The following RIMS4 variants were observed in gnomAD, a reference collection of about 807,000 sequenced individuals.
RIMS4 encodes regulating synaptic membrane exocytosis protein 4.
RIMS4 carries 9 observed loss-of-function variants against 29.0 expected under a neutral mutation model. That is an observed-to-expected ratio of 0.31 (90% CI 0.19 to 0.54). The LOEUF is 0.54. Among genes scored for constraint, RIMS4 ranks in the 20% least tolerant of loss-of-function variants. The pLI, the probability that RIMS4 is intolerant of heterozygous loss-of-function variation, is 0.94. For synonymous variants in RIMS4, 130 were observed against 152.9 expected, an observed-to-expected ratio of 0.85 and a Z score of 1.10; for missense variants, 193 against 365.7, an observed-to-expected ratio of 0.53 and a Z score of 3.85.
chr20:44,785,908 T>C (rs1331372029), intron 1 of RIMS4, among the ~76,000 whole-genome samples: 1 of 152,056 alleles, frequency 6.6e-6, no homozygotes, highest in Non-Finnish European at 1.5e-5. Context: ...TTGATTGGTG[T>C]TGTCTGCCAA....
chr20:44,763,457 T>C (rs550116174), intron 2 of RIMS4, among the ~76,000 whole-genome samples: 1 of 152,378 alleles, frequency 6.6e-6, no homozygotes, highest in African/African-American at 2.4e-5. Flanking sequence ...GGCATTTTCA[T>C]GGCATTTCAG....
chr20:44,809,116 A>G (rs2066311616), intron 1 of RIMS4, among the ~76,000 whole-genome samples: 1 of 152,156 alleles, frequency 6.6e-6, no homozygotes, highest in Non-Finnish European at 1.5e-5. Context: ...CATCGATACG[A>G]TGATCCCCAT....
rs1195029663 is a variant in RIMS4 at position 44,753,772 on chromosome 20, G to C, written c.*2362C>G. On this transcript the variant is annotated 3_prime_UTR_variant, in exon 6 of 6. Coordinates refer to ENST00000372851, the MANE Select transcript of RIMS4 (RefSeq NM_182970.4). ...ATGCTCACGATGACACAAAGAAACA[G>C]GGCTCCAGCCCCCAGCTGCTCCACC... 3 of 152,658 alleles carry C rather than the reference G, an allele frequency of 2.0e-5. No homozygotes were observed. The highest frequency in any genetic ancestry group is 4.4e-5 in the Non-Finnish European group (3 of 68,138). The allele number at this position is 152,658 out of a possible 1,614,324, so 9.5% of individuals were successfully genotyped here. A position where few individuals can be genotyped will look rare whatever the true frequency, so the allele number is the denominator to read the frequency against.
rs990145824 is a variant in RIMS4 at position 44,754,281 on chromosome 20, G to A, written c.*1853C>T. 1 of 153,884 alleles carries A rather than the reference G, an allele frequency of 6.5e-6. No homozygotes were observed. The highest frequency in any genetic ancestry group is 6.5e-5 in the Admixed American group (1 of 15,274). The allele number at this position is 153,884 out of a possible 1,614,324, so 9.5% of individuals were successfully genotyped here. On this transcript the variant is annotated 3_prime_UTR_variant, in exon 6 of 6. Transcript: ENST00000372851. Reference sequence around the variant, plus strand: ...TCTCCATCTCCCCTTCCCAGTGCAGGGTAAGCAGCTCTGTGGAGGTGATAT... The same window carrying A: ...TCTCCATCTCCCCTTCCCAGTGCAGAGTAAGCAGCTCTGTGGAGGTGATAT...
intron 1 of RIMS4, among the ~76,000 whole-genome samples, chr20:44,793,029 G>A (rs931170207): frequency 1.3e-5 from 2 of 152,164 alleles, no homozygotes; most frequent in East Asian, 1.9e-4. Context: ...AGAGGAGGCA[G>A]CGTTTTTAAA....
At chr20:44,776,578 C>A (rs1275474430) in intron 1 of RIMS4, among the ~76,000 whole-genome samples, 1 of 152,204 alleles carries the variant, frequency 6.6e-6, no homozygotes, top group Non-Finnish European at 1.5e-5. Context: ...GCACTCTGTA[C>A]TTCAGTTTCT....
At chr20:44,799,631 G>A (rs2066269323) in intron 1 of RIMS4, among the ~76,000 whole-genome samples, 2 of 152,212 alleles carry the variant, frequency 1.3e-5, no homozygotes, top group South Asian at 4.1e-4. Flanking sequence ...CCCACTCTCA[G>A]GGTGACTCCA....
chr20:44,764,225 T>C (rs368221186), intron 2 of RIMS4, among the ~76,000 whole-genome samples: 2 of 149,636 alleles, frequency 1.3e-5, no homozygotes, highest in Non-Finnish European at 3.0e-5. Flanking sequence ...CATCCATCCA[T>C]CCGTCCATCC....
intron 2 of RIMS4, among the ~76,000 whole-genome samples, chr20:44,770,806 T>C (rs1203624651): frequency 6.6e-6 from 1 of 152,166 alleles, no homozygotes; most frequent in Non-Finnish European, 1.5e-5. Context: ...ACTAAAAAAG[T>C]AAAGAGGAAA....
intron 1 of RIMS4, among the ~76,000 whole-genome samples, chr20:44,787,941 A>T (rs940887165): frequency 4.6e-5 from 7 of 152,216 alleles, no homozygotes; most frequent in African/African-American, 1.4e-4. Context: ...ATCGTATCTC[A>T]TTTAAACCTC....
At chr20:44,796,529 T>C (rs1021696459) in intron 1 of RIMS4, among the ~76,000 whole-genome samples, 1 of 152,128 alleles carries the variant, frequency 6.6e-6, no homozygotes, top group African/African-American at 2.4e-5. Context: ...ACACAGTCCC[T>C]GCCCTGCAGG....
intron 1 of RIMS4, among the ~76,000 whole-genome samples, chr20:44,778,518 A>T (rs1018877429): frequency 6.6e-6 from 1 of 152,040 alleles, no homozygotes; most frequent in Non-Finnish European, 1.5e-5. Context: ...TCTATAAAAA[A>T]TTTGAAAATT....
intron 1 of RIMS4, among the ~76,000 whole-genome samples, chr20:44,785,456 C>T (rs893353049): frequency 5.3e-5 from 8 of 152,226 alleles, no homozygotes; most frequent in African/African-American, 1.2e-4. Flanking sequence ...AGGGATCCTC[C>T]TGCCTTGGCC....
chr20:44,758,263 A>AT, intron 2 of RIMS4, 79 bp from the exon 3 acceptor site: 6 of 925,986 alleles, frequency 6.5e-6, no homozygotes, highest in Non-Finnish European at 1.0e-5. Context: ...GTCAACCTCC[A>AT]TGCAATGGAT....
At chr20:44,765,720 TGCCTTACA>T (rs2066110641) in intron 2 of RIMS4, among the ~76,000 whole-genome samples, 1 of 152,142 alleles carries the variant, frequency 6.6e-6, no homozygotes, top group South Asian at 2.1e-4. Context: ...GCCCTGCCAC[TGCCTTACA>T]CTCTGCTTCC....
intron 1 of RIMS4, among the ~76,000 whole-genome samples, chr20:44,809,837 G>A (rs974744571): frequency 6.6e-6 from 1 of 152,056 alleles, no homozygotes; most frequent in African/African-American, 2.4e-5. Context: ...CTTGAAGAGT[G>A]GGCACATTCA....
intron 2 of RIMS4, among the ~76,000 whole-genome samples, chr20:44,761,681 C>T (rs1370975763): frequency 6.6e-6 from 1 of 152,194 alleles, no homozygotes; most frequent in Non-Finnish European, 1.5e-5. Context: ...CTCCCACACT[C>T]GGGTTGCCTG....
chr20:44,772,482 C>T (rs143675641), intron 1 of RIMS4, among the ~76,000 whole-genome samples: 199 of 152,316 alleles, frequency 1.3e-3, no homozygotes, highest in South Asian at 6.6e-3. Context: ...CCTTAATCCT[C>T]ACAACCAACC....
At chr20:44,784,982 T>C (rs1334268540) in intron 1 of RIMS4, among the ~76,000 whole-genome samples, 1 of 152,210 alleles carries the variant, frequency 6.6e-6, no homozygotes, top group African/African-American at 2.4e-5. Flanking sequence ...GGGCCTGAGA[T>C]TCAGCACTTC....
Sources: gnomAD v4.1 joint callset for allele counts (sites outside exome capture counted in the v4.1 genomes callset) on GRCh38, gnomAD v4.1.1 for gene constraint, MANE v1.5 for transcripts, NCBI Gene and HGNC (gene_info 2026-07-23, HGNC 2026-07-21) for gene names.